The following GCNT2 variants were observed in gnomAD, a reference collection of about 807,000 sequenced individuals.
The protein encoded by GCNT2 is glucosaminyl (N-acetyl) transferase 2 (I blood group).
A neutral mutation model predicts 34.2 loss-of-function variants in GCNT2; 34 were observed. That is an observed-to-expected ratio of 1.00 (90% CI 0.76 to 1.32). GCNT2 has a LOEUF of 1.32. GCNT2 is among the 40% of genes most tolerant of loss of function. The pLI is 0.00. For synonymous variants in GCNT2, 212 were observed against 188.0 expected (o/e 1.13, Z -1.04); for missense variants, 584 against 489.4 (o/e 1.19, Z -1.82).
chr6:10,554,210 G>A (rs1762598136), intron 3 of GCNT2, among the ~76,000 whole-genome samples: 1 of 152,120 alleles, frequency 6.6e-6, no homozygotes, highest in Non-Finnish European at 1.5e-5. Context: ...TTCCTCTAAT[G>A]CAATAAGGGA....
At chr6:10,563,346 A>G (rs937055806) in intron 3 of GCNT2, among the ~76,000 whole-genome samples, 1 of 152,212 alleles carries the variant, frequency 6.6e-6, no homozygotes, top group Admixed American at 6.5e-5. Context: ...ACAATGCTTA[A>G]TTTGCAAGGG....
intron 3 of GCNT2, among the ~76,000 whole-genome samples, chr6:10,578,188 C>T (rs940464675): frequency 6.6e-5 from 10 of 151,836 alleles, no homozygotes; most frequent in Admixed American, 1.3e-4. Context: ...GTCAGGAGTT[C>T]GAGACCAGCC....
chr6:10,605,653 G>A (rs150217864), intron 3 of GCNT2, among the ~76,000 whole-genome samples: 1 of 152,184 alleles, frequency 6.6e-6, no homozygotes, highest in East Asian at 1.9e-4. Flanking sequence ...GTGAGGAAAC[G>A]CTGGTACACA....
chr6:10,612,746 T>C (rs907738694), intron 3 of GCNT2, among the ~76,000 whole-genome samples: 3 of 152,186 alleles, frequency 2.0e-5, no homozygotes, highest in Admixed American at 2.0e-4. Flanking sequence ...TTGTTCAGAG[T>C]CATACAGTTA....
intron 3 of GCNT2, among the ~76,000 whole-genome samples, chr6:10,589,057 GGTGT>G (rs1479458546): frequency 7.0e-6 from 1 of 142,324 alleles, no homozygotes; most frequent in Admixed American, 7.1e-5. Flanking sequence ...GTGTGTGTGT[GGTGT>G]GTGTGTAGTG....
At chr6:10,549,715 CTTTTAA>C (rs1021673474) in intron 3 of GCNT2, among the ~76,000 whole-genome samples, 4 of 151,794 alleles carry the variant, frequency 2.6e-5, no homozygotes, top group Non-Finnish European at 5.9e-5. Context: ...CTCTGTCTCT[CTTTTAA>C]TCCCTTTCCT....
intron 3 of GCNT2, among the ~76,000 whole-genome samples, chr6:10,568,741 C>T (rs1561806466): frequency 1.3e-5 from 2 of 152,092 alleles, no homozygotes; most frequent in Non-Finnish European, 2.9e-5. Flanking sequence ...TGCTGCCTTC[C>T]CTGAAAGGAA....
intron 3 of GCNT2, chr6:10,585,903 T>C: frequency 6.3e-7 from 1 of 1,590,002 alleles, no homozygotes; most frequent in African/African-American, 1.3e-5. Context: ...AATTCAAGAC[T>C]GGCAAGAGAA....
At chr6:10,567,976 C>T (rs757675744) in intron 3 of GCNT2, among the ~76,000 whole-genome samples, 41 of 152,294 alleles carry the variant, frequency 2.7e-4, no homozygotes, top group Admixed American at 1.4e-3. Context: ...TGCTTACTGA[C>T]TATTGAAATG....
rs1239188071 is a variant in GCNT2 at position 10,626,551 on chromosome 6, C to T, written c.1153C>T (p.Arg385Cys). The change falls in exon 5 of 5, where the codon CGC becomes TGC. Residue 385 changes from arginine to cysteine, a missense_variant. By Grantham distance (180) the Arg-to-Cys change is radical. Coordinates refer to ENST00000495262, the MANE Select transcript of GCNT2 (RefSeq NM_145649.5). ...TGTGGAATGCCTAGAACTGAGGCAT[C>T]GCGAAAGAACCCTCAATCAGAGTGA... ...LTVECLELRH[R>C]ERTLNQSETA... The T allele has an allele frequency of 2.5e-6, 4 of 1,613,654 alleles. No homozygotes were observed. The highest frequency in any genetic ancestry group is 1.1e-5 in the South Asian group (1 of 91,076).
chr6:10,543,235 G>T (rs924739600), intron 3 of GCNT2, among the ~76,000 whole-genome samples: 1 of 146,912 alleles, frequency 6.8e-6, no homozygotes, highest in Non-Finnish European at 1.5e-5. Flanking sequence ...ACAGAGTCTC[G>T]CTCTGTCGCC....
At chr6:10,572,591 G>T (rs1015175279) in intron 3 of GCNT2, among the ~76,000 whole-genome samples, 1 of 152,076 alleles carries the variant, frequency 6.6e-6, no homozygotes, top group African/African-American at 2.4e-5. Flanking sequence ...AAAATTAGCC[G>T]GACCTAGTGG....
At chr6:10,585,694 A>T in intron 3 of GCNT2, 1 of 1,056,494 alleles carries the variant, frequency 9.5e-7, no homozygotes, top group Non-Finnish European at 1.3e-6. Context: ...GAGGCTTCCT[A>T]GAGGCTGGAC....
intron 3 of GCNT2, among the ~76,000 whole-genome samples, chr6:10,616,390 C>G (rs1561839366): frequency 2.0e-5 from 3 of 152,212 alleles, no homozygotes; most frequent in Non-Finnish European, 4.4e-5. Flanking sequence ...GCAACCTAAA[C>G]AGGGTACCGC....
rs1175777386 is a variant in GCNT2, at chr6:10,582,356, TAAA to T, written c.926-38994_926-38992del. On this transcript the variant is annotated intron_variant, in intron 3 of 4. Coordinates refer to ENST00000495262, the MANE Select transcript of GCNT2 (RefSeq NM_145649.5). The stretch of plus-strand genomic sequence containing the variant: ...TATACTATATAATATATAGTAATAT[TAAA>T]TATAATATATACTATAATTTAATAT... 3.7e-3 allele frequency among the ~76,000 whole-genome samples: 390 copies of T among 105,640 alleles called. 4 individuals are homozygous for T. Among genetic ancestry groups the T allele is most frequent in the African/African-American group, 0.019 (367 of 19,310 alleles). 69.3% of individuals were successfully genotyped at this position (105,640 alleles called of 152,430 possible).
intron 4 of GCNT2, 131 bp from the exon 5 acceptor site, chr6:10,626,286 A>G (rs1174304869): frequency 2.7e-6 from 2 of 736,804 alleles, no homozygotes; most frequent in Non-Finnish European, 2.4e-6. Flanking sequence ...CTGCACAATC[A>G]TATTTCATTT....
At chr6:10,536,104 T>C (rs549441620) in intron 3 of GCNT2, among the ~76,000 whole-genome samples, 1 of 152,040 alleles carries the variant, frequency 6.6e-6, no homozygotes, top group Admixed American at 6.6e-5. Context: ...GATGCAAATT[T>C]GGGAGCAGAG....
In GCNT2 at chr6:10,617,750, C is replaced by CTTTTTTTTTTTTTT. The variant is rs3064178; in HGVS notation, c.926-3592_926-3579dup. Among the ~76,000 whole-genome samples, 236 of 101,644 alleles carry CTTTTTTTTTTTTTT rather than the reference C, an allele frequency of 2.3e-3. 26 individuals are homozygous for CTTTTTTTTTTTTTT. The highest frequency in any genetic ancestry group is 0.011 in the African/African-American group (220 of 19,852). 66.7% of individuals were successfully genotyped at this position (101,644 alleles called of 152,430 possible). On this transcript the variant is annotated intron_variant, in intron 3 of 4. Transcript: ENST00000495262. ...CACCTGGCCAGAGTCTGCATTTCTT[C>CTTTTTTTTTTTTTT]TTTTTTTTTTTTTTTTTTTTTTGAC...
chr6:10,583,343 G>T (rs188572455), intron 3 of GCNT2, among the ~76,000 whole-genome samples: 1 of 152,144 alleles, frequency 6.6e-6, no homozygotes, highest in Admixed American at 6.5e-5. Flanking sequence ...CCTAACAGGA[G>T]CAGCTGTTCC....
Sources: gnomAD v4.1 joint callset for allele counts (sites outside exome capture counted in the v4.1 genomes callset) on GRCh38, gnomAD v4.1.1 for gene constraint, MANE v1.5 for transcripts, NCBI Gene and HGNC (gene_info 2026-07-23, HGNC 2026-07-21) for gene names.